The following ZCCHC14 variants were observed in gnomAD, a reference collection of about 807,000 sequenced individuals.
The protein encoded by ZCCHC14 is zinc finger CCHC-type containing 14.
In ZCCHC14, 16 loss-of-function variants were observed where a neutral mutation model predicts 85.0. The observed-to-expected ratio is 0.19, with a 90% confidence interval of 0.13 to 0.29. The LOEUF (loss-of-function observed/expected upper bound fraction) is 0.29. Among genes scored for constraint, ZCCHC14 ranks in the 10% least tolerant of loss-of-function variants. The pLI, the probability that ZCCHC14 is intolerant of heterozygous loss-of-function variation, is 1.00. For missense variants in ZCCHC14, 1,303 were observed against 1,443.5 expected (o/e 0.90, Z 1.58); for synonymous variants, 775 against 630.7 (o/e 1.23, Z -3.43).
chr16:87,461,222 G>A (rs1911240526), intron 1 of ZCCHC14, among the ~76,000 whole-genome samples: 1 of 152,232 alleles, frequency 6.6e-6, no homozygotes, highest in Non-Finnish European at 1.5e-5. Flanking sequence ...TGCTTCCTGG[G>A]TTCAGTGATG....
At chr16:87,429,961 T>C (rs954537360) in intron 3 of ZCCHC14, among the ~76,000 whole-genome samples, 29 of 152,256 alleles carry the variant, frequency 1.9e-4, no homozygotes, top group Non-Finnish European at 1.8e-4. Context: ...ATTTTGAACA[T>C]ATAAATCCTT....
At chr16:87,428,635 G>T (rs1202662328) in intron 3 of ZCCHC14, among the ~76,000 whole-genome samples, 2 of 152,178 alleles carry the variant, frequency 1.3e-5, no homozygotes, top group African/African-American at 4.8e-5. Context: ...TGATCTGAGG[G>T]CACCTGTGAG....
chr16:87,434,394 C>T (rs1169433819), intron 2 of ZCCHC14, among the ~76,000 whole-genome samples: 4 of 152,234 alleles, frequency 2.6e-5, no homozygotes, highest in Non-Finnish European at 5.9e-5. Flanking sequence ...AGGAGCCCCA[C>T]GCCGAGCTTT....
chr16:87,479,416 CAAAA>C (rs35830701), intron 1 of ZCCHC14, among the ~76,000 whole-genome samples: 1 of 119,342 alleles, frequency 8.4e-6, no homozygotes, highest in Non-Finnish European at 1.9e-5. Context: ...GACTACGTCT[CAAAA>C]AAAAAAAAAA....
At chr16:87,434,257 G>A (rs1053188971) in intron 2 of ZCCHC14, among the ~76,000 whole-genome samples, 2 of 152,162 alleles carry the variant, frequency 1.3e-5, no homozygotes, top group East Asian at 1.9e-4. Context: ...TAAAACAGCC[G>A]CGTATCGAAC....
chr16:87,464,973 C>G (rs1043107219), intron 1 of ZCCHC14, among the ~76,000 whole-genome samples: 1 of 152,196 alleles, frequency 6.6e-6, no homozygotes, highest in Non-Finnish European at 1.5e-5. Flanking sequence ...ATAAGCTGCT[C>G]TCTTCCTCTC....
At chr16:87,411,411 A>G (rs1908426232) in intron 12 of ZCCHC14, 105 bp downstream of exon 12, 22 of 1,534,154 alleles carry the variant, frequency 1.4e-5, no homozygotes, top group Non-Finnish European at 1.8e-5. Context: ...CATTCGAAAA[A>G]TTATTTGCTT....
At chr16:87,457,548 T>G (rs1309383420) in intron 2 of ZCCHC14, among the ~76,000 whole-genome samples, 1 of 152,228 alleles carries the variant, frequency 6.6e-6, no homozygotes, top group Non-Finnish European at 1.5e-5. Context: ...GTCATGTGCT[T>G]GGACTGTTGT....
At position 87,412,480 on chromosome 16, in the gene ZCCHC14, C is replaced by T; in HGVS notation, c.2241G>A (p.Gln747=). The part of the protein sequence containing the change: ...STLDRVLKTA[Q]QPALVVETST... ...TGGTCTCCACGACCAGGGCCGGTTG[C>T]TGTGCTGTCTTCAGCACCCTGTCCA... Residue 747 remains glutamine, a synonymous_variant, in exon 12 of 13, where the codon CAG becomes CAA. Transcript: ENST00000671377. The T allele has an allele frequency of 6.2e-7, 1 of 1,613,982 alleles. No homozygotes were observed. Among genetic ancestry groups the T allele is most frequent in the South Asian group, 1.1e-5 (1 of 91,086 alleles).
At chr16:87,434,906 G>A (rs900273571) in intron 2 of ZCCHC14, among the ~76,000 whole-genome samples, 1 of 144,512 alleles carries the variant, frequency 6.9e-6, no homozygotes, top group Non-Finnish European at 1.5e-5. Flanking sequence ...CAGGAGAATT[G>A]CTTGAACCTG....
intron 8 of ZCCHC14, among the ~76,000 whole-genome samples, 181 bp downstream of exon 8, chr16:87,417,279 T>C (rs1295765863): frequency 6.6e-6 from 1 of 152,222 alleles, no homozygotes; most frequent in African/African-American, 2.4e-5. Context: ...ATGTCCTGTT[T>C]GTGGCTGGCT....
intron 2 of ZCCHC14, among the ~76,000 whole-genome samples, chr16:87,456,584 T>C (rs79542825): frequency 0.017 from 2,452 of 144,748 alleles, 30 homozygotes; most frequent in Middle Eastern, 0.05. Flanking sequence ...AGGTGAATTC[T>C]TGTCTTCTTA....
chr16:87,475,119 G>A (rs1348358182), intron 1 of ZCCHC14, among the ~76,000 whole-genome samples: 1 of 152,178 alleles, frequency 6.6e-6, no homozygotes, highest in East Asian at 1.9e-4. Context: ...TGGAGACCAG[G>A]CACAGGACAC....
chr16:87,434,180 C>A (rs963101060), intron 2 of ZCCHC14, among the ~76,000 whole-genome samples: 73 of 152,298 alleles, frequency 4.8e-4, no homozygotes, highest in African/African-American at 1.6e-3. Context: ...TTTTTCTCAT[C>A]AAAAATAAGA....
Position 87,448,999 on chromosome 16 carries a change from G to A in ZCCHC14, c.694+11009C>T, listed in dbSNP as rs558463381. ...TGTGCCGGCCCAAGCTCGGCCTTAC[G>A]AATCCTCATGGCTCCCATGTGCCCT... On this transcript the variant is annotated intron_variant, in intron 2 of 12. Transcript: ENST00000671377. Among the ~76,000 whole-genome samples, 9 of 152,316 alleles carry A rather than the reference G, an allele frequency of 5.9e-5. No individual in the cohort carries two copies. The South Asian group carries it at 1.2e-3, about 21-fold the overall frequency.
rs149456555 is a variant in ZCCHC14 at position 87,425,434 on chromosome 16, G to A, written c.769-1553C>T. 4.7e-3 allele frequency among the ~76,000 whole-genome samples: 715 copies of A among 152,178 alleles called. 8 individuals are homozygous for A. Among genetic ancestry groups the A allele is most frequent in the African/African-American group, 0.017 (693 of 41,488 alleles). ...TCTACTAAAAATACAAAATTGGCCG[G>A]GCATGGTGGCAGGCGCCTGTAATCC... On this transcript the variant is annotated intron_variant, in intron 3 of 12. Coordinates refer to ENST00000671377, the MANE Select transcript of ZCCHC14 (RefSeq NM_015144.3).
At chr16:87,415,572 G>C (rs957606578) in intron 8 of ZCCHC14, among the ~76,000 whole-genome samples, 8 of 152,222 alleles carry the variant, frequency 5.3e-5, no homozygotes, top group Admixed American at 3.9e-4. Flanking sequence ...CCGAGACGCA[G>C]TTCTGAGCAA....
chr16:87,491,178 G>C lies in ZCCHC14; in HGVS notation c.570+491C>G, dbSNP rs1296858379. Among the ~76,000 whole-genome samples, 2 of 152,272 alleles carry C rather than the reference G, an allele frequency of 1.3e-5. No individual in the cohort carries two copies. Among genetic ancestry groups the C allele is most frequent in the East Asian group, 1.9e-4 (1 of 5,196 alleles). On this transcript the variant is annotated intron_variant, in intron 1 of 12. Transcript: ENST00000671377. This position sits in a 1 kb window ranked among gnomAD's most constrained non-coding sequence, Gnocchi z 5.9. ...GTGAAAGGAGGGCACCTGGGACTGT[G>C]AGCTCTGACCGCGGACGTCTCCCGC... is the stretch of plus-strand genomic sequence containing the variant.
At chr16:87,419,466 A>G (rs1197058212) in intron 6 of ZCCHC14, among the ~76,000 whole-genome samples, 3 of 152,038 alleles carry the variant, frequency 2.0e-5, no homozygotes, top group South Asian at 4.1e-4. Context: ...ACGCCTGGCT[A>G]ATTTTTTTGT....
Sources: gnomAD v4.1 joint callset for allele counts (sites outside exome capture counted in the v4.1 genomes callset) on GRCh38, gnomAD v4.1.1 for gene constraint, Gnocchi (gnomAD v3.1) non-coding constraint, MANE v1.5 for transcripts, NCBI Gene and HGNC (gene_info 2026-07-23, HGNC 2026-07-21) for gene names.